Variants in ARHGEF10 observed in about 807,000 individuals in gnomAD.
ARHGEF10 encodes the protein Rho guanine nucleotide exchange factor (GEF) 10.
Under a neutral mutation model 147.4 loss-of-function variants are expected in ARHGEF10, and 140 were observed. That is an observed-to-expected ratio of 0.95 (90% CI 0.83 to 1.09). The LOEUF (loss-of-function observed/expected upper bound fraction) is 1.09. ARHGEF10 is among the 50% of genes least tolerant of loss of function. The pLI is 0.00. For missense variants in ARHGEF10, 2,222 were observed against 1,752.7 expected (o/e 1.27, Z -4.78); for synonymous variants, 902 against 695.8 (o/e 1.30, Z -4.67).
Position 1,957,398 on chromosome 8 carries a change from C to T in ARHGEF10, c.*135C>T. 7.8e-7 allele frequency: 1 copy of T among 1,273,898 alleles called. No individual in the cohort carries two copies. The highest frequency in any genetic ancestry group is 1.1e-6 in the Non-Finnish European group (1 of 922,224). The allele number at this position is 1,273,898 out of a possible 1,614,324, so 78.9% of individuals were successfully genotyped here. ...AAACAGTATTTGGGGGAGAAACGTG[C>T]AATAGCGTAATGGTGGTGTCCCTGC... On this transcript the variant is annotated 3_prime_UTR_variant, in exon 29 of 29. Coordinates refer to ENST00000349830, the MANE Select transcript of ARHGEF10 (RefSeq NM_014629.4).
chr8:1,923,725 G>A (rs1690203278), intron 20 of ARHGEF10, 49 bp from the exon 21 acceptor site: 3 of 1,613,624 alleles, frequency 1.9e-6, no homozygotes, highest in South Asian at 2.2e-5. Context: ...TAACCTCACA[G>A]GATGGAGCAC....
rs200985040 is a variant in ARHGEF10 at position 1,880,185 on chromosome 8, G to A, written c.960+21G>A. 134 of 1,561,510 alleles carry A rather than the reference G, an allele frequency of 8.6e-5. No individual in the cohort carries two copies. In the African/African-American group the frequency reaches 1.5e-3, roughly 18 times the overall value. ...TGAAGGTAGAGTCTTGCCCCCGGCCGCTGCCCCCACTTGCCAGCCGGGCAG... is the reference window on the plus strand; with the variant it reads ...TGAAGGTAGAGTCTTGCCCCCGGCCACTGCCCCCACTTGCCAGCCGGGCAG... On this transcript the variant is annotated intron_variant, in intron 9 of 28. Transcript: ENST00000349830.
At chr8:1,841,632 C>T (rs139759006) in intron 1 of ARHGEF10, among the ~76,000 whole-genome samples, 2,207 of 152,000 alleles carry the variant, frequency 0.015, 33 homozygotes, top group Non-Finnish European at 0.021. Context: ...CTCGTCTGCT[C>T]ATCTCTCGGG....
At chr8:1,896,275 T>C in intron 13 of ARHGEF10, 58 bp from the exon 14 acceptor site, 1 of 1,228,330 alleles carries the variant, frequency 8.1e-7, no homozygotes. Flanking sequence ...CTGTTTTATG[T>C]TGGAAAAGGG....
intron 2 of ARHGEF10, among the ~76,000 whole-genome samples, chr8:1,850,202 A>AGAGGGCAAATGCTGAGGAGGGTG (rs1804992604): frequency 1.5e-5 from 1 of 67,982 alleles, no homozygotes; most frequent in Non-Finnish European, 3.4e-5. Flanking sequence ...GGGCGGCCAC[A>AGAGGGCAAATGCTGAGGAGGGTG]TGGGCATGGA....
chr8:1,958,263 G>T lies in ARHGEF10; in HGVS notation c.*1000G>T, dbSNP rs1380316013. The T allele has an allele frequency of 2.0e-5, 3 of 152,242 alleles. No individual in the cohort carries two copies. Among genetic ancestry groups the T allele is most frequent in the African/African-American group, 7.2e-5 (3 of 41,466 alleles). The allele number at this position is 152,242 out of a possible 1,614,324, so 9.4% of individuals were successfully genotyped here. ...AAGAGGCGTGACCTCGGGCCAGCCT[G>T]TCTGTTGTGCAGACGCCTCCTCTGC... On this transcript the variant is annotated 3_prime_UTR_variant, in exon 29 of 29. Transcript: ENST00000349830.
intron 1 of ARHGEF10, among the ~76,000 whole-genome samples, chr8:1,831,533 G>T (rs1734812476): frequency 1.3e-5 from 1 of 76,516 alleles, no homozygotes; most frequent in African/African-American, 5.4e-5. Flanking sequence ...TCCGTGGAGG[G>T]ACAGTGTGAC....
chr8:1,840,174 C>G lies in ARHGEF10; in HGVS notation c.-47-3179C>G, dbSNP rs182104706. Among the ~76,000 whole-genome samples the G allele has an allele frequency of 9.6e-4, 130 of 134,738 alleles. 7 individuals carry two copies. The highest frequency in any genetic ancestry group is 3.9e-3 in the African/African-American group (130 of 33,002). The allele number at this position is 134,738 out of a possible 152,430, so 88.4% of individuals were successfully genotyped here. A position where few individuals can be genotyped will look rare whatever the true frequency, so the allele number is the denominator to read the frequency against. ...GGGGACTGTCCGGTGTGCAAGCTGT[C>G]CGATATGGGGACTGTCTGGTGTGGA... On this transcript the variant is annotated intron_variant, in intron 1 of 28. Coordinates refer to ENST00000349830, the MANE Select transcript of ARHGEF10 (RefSeq NM_014629.4).
chr8:1,897,232 G>A (rs916766400), intron 14 of ARHGEF10, among the ~76,000 whole-genome samples: 5 of 152,224 alleles, frequency 3.3e-5, no homozygotes, highest in African/African-American at 9.6e-5. Flanking sequence ...CCACAGCAAC[G>A]TGTCATTGAA....
chr8:1,885,187 A>T (rs1420276288), intron 10 of ARHGEF10, among the ~76,000 whole-genome samples: 2 of 152,122 alleles, frequency 1.3e-5, no homozygotes, highest in African/African-American at 4.8e-5. Flanking sequence ...CTTTTGACTC[A>T]CCTCAGTTTT....
chr8:1,924,693 T>A (rs1259137275), intron 21 of ARHGEF10, among the ~76,000 whole-genome samples: 2 of 152,186 alleles, frequency 1.3e-5, no homozygotes, highest in Non-Finnish European at 2.9e-5. Context: ...AATTTGGTCA[T>A]TTTTCAGGTC....
intron 2 of ARHGEF10, among the ~76,000 whole-genome samples, chr8:1,856,990 C>T (rs1000847238): frequency 3.3e-5 from 5 of 152,196 alleles, no homozygotes; most frequent in African/African-American, 1.2e-4. Context: ...AGTCCTAGCA[C>T]GCCGTCTCTG....
chr8:1,933,318 G>A (rs1024147270), intron 25 of ARHGEF10, among the ~76,000 whole-genome samples: 45 of 152,200 alleles, frequency 3.0e-4, no homozygotes, highest in African/African-American at 9.9e-4. Context: ...TTTGGATGCA[G>A]TTCCTTTTAA....
At chr8:1,938,260 G>C (rs1427643501) in intron 26 of ARHGEF10, among the ~76,000 whole-genome samples, 2 of 152,196 alleles carry the variant, frequency 1.3e-5, no homozygotes, top group Non-Finnish European at 2.9e-5. Flanking sequence ...TAAGGGATCT[G>C]ACGTCTGACG....
chr8:1,946,806 G>A (rs1181950295), intron 27 of ARHGEF10, among the ~76,000 whole-genome samples: 6 of 152,216 alleles, frequency 3.9e-5, no homozygotes. Flanking sequence ...AGGCCGAGGA[G>A]GTGTTGAGGA....
chr8:1,898,218 G>A (rs577231881), intron 14 of ARHGEF10, among the ~76,000 whole-genome samples: 2 of 152,332 alleles, frequency 1.3e-5, no homozygotes, highest in East Asian at 3.9e-4. Context: ...TGAGGCCAAC[G>A]TGTGAGGTCG....
chr8:1,887,234 A>C (rs1181078447), intron 11 of ARHGEF10, among the ~76,000 whole-genome samples: 1 of 152,244 alleles, frequency 6.6e-6, no homozygotes, highest in Non-Finnish European at 1.5e-5. Context: ...AGGGAAAAGC[A>C]CAGGGGAAAT....
At chr8:1,932,763 C>G (rs1345632942) in intron 25 of ARHGEF10, among the ~76,000 whole-genome samples, 1 of 152,208 alleles carries the variant, frequency 6.6e-6, no homozygotes, top group African/African-American at 2.4e-5. Context: ...TGCACACCTC[C>G]ACTTCAGACA....
intron 11 of ARHGEF10, among the ~76,000 whole-genome samples, chr8:1,888,120 GGGGTGAGGGTTTGCGAGGAGACACTT>G (rs1808874319): frequency 1.1e-5 from 1 of 87,350 alleles, no homozygotes; most frequent in African/African-American, 1.0e-4. Context: ...GACACTTAGT[GGGGTGAGGGTTTGCGAGGAGACACTT>G]AGTGGGGCGA....
Sources: allele counts gnomAD v4.1 joint callset (sites outside exome capture counted in the v4.1 genomes callset), GRCh38; gene constraint gnomAD v4.1.1; transcripts MANE v1.5; gene names NCBI Gene and HGNC (gene_info 2026-07-23, HGNC 2026-07-21).